Variants in MYOM2 observed in about 807,000 individuals in gnomAD.
MYOM2 encodes myomesin 2, also known as myomesin-2.
A neutral mutation model predicts 187.6 loss-of-function variants in MYOM2; 254 were observed. That is an observed-to-expected ratio of 1.35 (90% confidence interval 1.22 to 1.50). The LOEUF (loss-of-function observed/expected upper bound fraction) is 1.50. Among genes scored for constraint, MYOM2 ranks in the 40% most tolerant of loss-of-function variants. MYOM2 has a pLI of 0.00. For synonymous variants in MYOM2, 981 were observed against 753.8 expected (o/e 1.30, Z -4.94); for missense variants, 2,796 against 1,924.0 (o/e 1.45, Z -8.48).
intron 10 of MYOM2, among the ~76,000 whole-genome samples, chr8:2,075,409 G>A (rs1368750854): frequency 6.6e-6 from 1 of 152,052 alleles, no homozygotes; most frequent in East Asian, 1.9e-4. Flanking sequence ...GCTTTCTGAG[G>A]CTTTTGAATG....
chr8:2,050,143 G>A (rs1818434698), intron 1 of MYOM2, among the ~76,000 whole-genome samples: 1 of 152,102 alleles, frequency 6.6e-6, no homozygotes, highest in African/African-American at 2.4e-5. Context: ...TCTTTCCAGA[G>A]TGATTTCTGG....
chr8:2,108,367 A>G (rs751808011), intron 23 of MYOM2, among the ~76,000 whole-genome samples: 1 of 151,894 alleles, frequency 6.6e-6, no homozygotes, highest in Non-Finnish European at 1.5e-5. Context: ...ATGAGATTGA[A>G]GAAGGACATC....
rs751011156 is a variant in MYOM2, at chr8:2,123,654, C to A, written c.3655+12C>A. The stretch of plus-strand genomic sequence containing the variant: ...AATAGCTGGCAAAGGTAAAAGAAAA[C>A]CTCCTTTGTTCTGTGAACAAGAAAT... On this transcript the variant is annotated intron_variant, in intron 30 of 36. Coordinates refer to ENST00000262113, the MANE Select transcript of MYOM2 (RefSeq NM_003970.4). 1 of 1,610,718 alleles carries A rather than the reference C, an allele frequency of 6.2e-7. No individual in the cohort carries two copies. The highest frequency in any genetic ancestry group is 8.5e-7 in the Non-Finnish European group (1 of 1,176,960).
chr8:2,139,615 G>C (rs565089546), intron 32 of MYOM2, among the ~76,000 whole-genome samples: 22 of 152,184 alleles, frequency 1.4e-4, no homozygotes, highest in Non-Finnish European at 2.8e-4. Context: ...CTGGCTCTCT[G>C]TGCAACTGAC....
chr8:2,105,601 G>A (rs1371368733), intron 21 of MYOM2, among the ~76,000 whole-genome samples: 1 of 152,156 alleles, frequency 6.6e-6, no homozygotes, highest in Non-Finnish European at 1.5e-5. Flanking sequence ...GATCTTCAGG[G>A]CCTGGAGAGG....
At chr8:2,089,941 C>T (rs900285491) in intron 14 of MYOM2, 67 bp from the exon 15 acceptor site, 45 of 1,486,368 alleles carry the variant, frequency 3.0e-5, no homozygotes, top group Non-Finnish European at 4.0e-5. Flanking sequence ...GCATTTCTTC[C>T]TCCTCCACAC....
intron 1 of MYOM2, among the ~76,000 whole-genome samples, chr8:2,047,123 A>T (rs535053393): frequency 1.7e-4 from 26 of 152,200 alleles, no homozygotes; most frequent in Admixed American, 1.7e-3. Context: ...TGGTCCAAGC[A>T]TTTTGGATAA....
chr8:2,079,481 G>C, intron 12 of MYOM2, 79 bp from the exon 13 acceptor site: 2 of 1,379,986 alleles, frequency 1.4e-6, no homozygotes, highest in Non-Finnish European at 2.1e-6. Context: ...GAGATGCAGA[G>C]CTGGCACAGA....
intron 35 of MYOM2, 163 bp from the exon 36 acceptor site, chr8:2,143,238 C>A: frequency 1.3e-6 from 1 of 783,478 alleles, no homozygotes; most frequent in South Asian, 1.6e-5. Flanking sequence ...TTTGGTTTAT[C>A]CCTCAACTGT....
chr8:2,139,537 T>G (rs1000872098), intron 32 of MYOM2, among the ~76,000 whole-genome samples: 1 of 152,186 alleles, frequency 6.6e-6, no homozygotes, highest in South Asian at 2.1e-4. Flanking sequence ...GAGAATTCCC[T>G]TTCCCGATGG....
rs139473063 is a variant in MYOM2, at chr8:2,072,477, G to A, written c.926G>A (p.Arg309Gln). ...CTMLVTPDLK[R>Q]VQPRAEWYRD... ...ATGCTGGTGACGCCGGACCTGAAGC[G>A]GGTGCAGCCGCGCGCCGAGTGGTAC... is the stretch of plus-strand genomic sequence containing the variant. The change falls in exon 9 of 37, where the codon CGG (arginine) becomes CAG (glutamine). Residue 309 changes from arginine (R) to glutamine (Q), a missense_variant. By Grantham distance (43) the Arg-to-Gln change is conservative (BLOSUM62 1). Transcript: ENST00000262113. 7.4e-6 allele frequency: 12 copies of A among 1,613,942 alleles called. No individual in the cohort carries two copies. The African/African-American group carries it at 9.3e-5, about 13-fold the overall frequency.
At chr8:2,071,916 C>T (rs1819235708) in intron 8 of MYOM2, among the ~76,000 whole-genome samples, 1 of 152,088 alleles carries the variant, frequency 6.6e-6, no homozygotes, top group African/African-American at 2.4e-5. Flanking sequence ...CCCTGGGGTC[C>T]CACTCTCACG....
intron 23 of MYOM2, 89 bp from the exon 24 acceptor site, chr8:2,108,697 C>A: frequency 7.9e-7 from 1 of 1,264,750 alleles, no homozygotes; most frequent in Non-Finnish European, 1.1e-6. Flanking sequence ...TGGGGGTTTC[C>A]AATCTTGCTC....
At chr8:2,070,521 C>G (rs1191129242) in intron 8 of MYOM2, among the ~76,000 whole-genome samples, 1 of 152,192 alleles carries the variant, frequency 6.6e-6, no homozygotes, top group African/African-American at 2.4e-5. Context: ...CTGTGTGTAG[C>G]TCTGGCCCTC....
At chr8:2,106,949 C>T (rs1321886776) in intron 23 of MYOM2, among the ~76,000 whole-genome samples, 1 of 152,076 alleles carries the variant, frequency 6.6e-6, no homozygotes, top group East Asian at 1.9e-4. Flanking sequence ...AAGAGTCTTC[C>T]CTTCCTTCCA....
At chr8:2,077,278 C>G (rs918161938) in intron 11 of MYOM2, among the ~76,000 whole-genome samples, 5 of 151,768 alleles carry the variant, frequency 3.3e-5, no homozygotes, top group African/African-American at 9.7e-5. Flanking sequence ...CCACTGGACT[C>G]CAGCCTGGCA....
At chr8:2,131,922 C>T (rs956391883) in intron 32 of MYOM2, among the ~76,000 whole-genome samples, 5 of 152,208 alleles carry the variant, frequency 3.3e-5, no homozygotes, top group Middle Eastern at 3.4e-3. Flanking sequence ...GGATTACAGG[C>T]GTGAGCTACC....
At chr8:2,127,168 C>T (rs970523278) in intron 31 of MYOM2, among the ~76,000 whole-genome samples, 4 of 152,018 alleles carry the variant, frequency 2.6e-5, no homozygotes, top group Admixed American at 6.5e-5. Context: ...TATGGCTCTG[C>T]AGTGTGTTGA....
intron 18 of MYOM2, 82 bp from the exon 19 acceptor site, chr8:2,098,775 G>T: frequency 7.2e-7 from 1 of 1,386,068 alleles, no homozygotes; most frequent in Non-Finnish European, 9.7e-7. Context: ...TATTTCACAA[G>T]CCAGTTATAA....
Sources: allele counts gnomAD v4.1 joint callset (sites outside exome capture counted in the v4.1 genomes callset), GRCh38; gene constraint gnomAD v4.1.1; transcripts MANE v1.5; gene names NCBI Gene and HGNC (gene_info 2026-07-23, HGNC 2026-07-21).